SLCO3A1: variants seen among roughly 807,000 people sequenced by gnomAD.
The protein encoded by SLCO3A1 is solute carrier organic anion transporter family member 3A1, also known as PGE1 transporter.
Under a neutral mutation model 63.1 loss-of-function variants are expected in SLCO3A1, and 27 were observed. That is an observed-to-expected ratio of 0.43 (90% confidence interval 0.32 to 0.59). The LOEUF is 0.59. SLCO3A1 is among the 20% of genes least tolerant of loss of function. The probability of loss-of-function intolerance (pLI) is 0.09; values close to 1 mark genes in which losing one functional copy is unlikely to be tolerated. For synonymous variants in SLCO3A1, 473 were observed against 409.9 expected (o/e 1.15, Z -1.86); for missense variants, 773 against 945.8 (o/e 0.82, Z 2.40).
At chr15:91,857,568 G>A (rs2056976780) in intron 1 of SLCO3A1, among the ~76,000 whole-genome samples, 1 of 152,182 alleles carries the variant, frequency 6.6e-6, no homozygotes, top group African/African-American at 2.4e-5. Context: ...CTGTTTGCAA[G>A]GATGTAACAT....
intron 2 of SLCO3A1, among the ~76,000 whole-genome samples, chr15:91,920,757 G>A (rs547389681): frequency 4.6e-5 from 7 of 152,206 alleles, no homozygotes; most frequent in African/African-American, 1.7e-4. Flanking sequence ...CCATACCCTG[G>A]GTTCTGGTTA....
At chr15:92,114,143 T>G (rs207954) in intron 4 of SLCO3A1, among the ~76,000 whole-genome samples, 10 of 151,880 alleles carry the variant, frequency 6.6e-5, no homozygotes, top group African/African-American at 2.4e-4. Flanking sequence ...GGGAACTGAC[T>G]TAACAAATAA....
At chr15:92,047,509 A>G (rs1395505652) in intron 2 of SLCO3A1, among the ~76,000 whole-genome samples, 1 of 37,812 alleles carries the variant, frequency 2.6e-5, no homozygotes, top group Non-Finnish European at 4.7e-5. Context: ...ATATAAATAT[A>G]TATAAATACA....
intron 2 of SLCO3A1, among the ~76,000 whole-genome samples, chr15:92,031,621 C>T (rs2151479948): frequency 6.6e-6 from 1 of 152,270 alleles, no homozygotes; most frequent in East Asian, 1.9e-4. Flanking sequence ...GCCTTCATCA[C>T]CTTCACTCTT....
intron 1 of SLCO3A1, among the ~76,000 whole-genome samples, chr15:91,892,022 G>A (rs1444308720): frequency 1.3e-5 from 2 of 152,182 alleles, no homozygotes; most frequent in African/African-American, 2.4e-5. Context: ...AAGTAATCCT[G>A]GGTTGGTCTG....
chr15:92,159,567 GTT>G (rs11455940), intron 9 of SLCO3A1, among the ~76,000 whole-genome samples: 4 of 137,854 alleles, frequency 2.9e-5, no homozygotes, highest in Non-Finnish European at 1.5e-5. Flanking sequence ...ACTTTGGTAG[GTT>G]TTTTTTTTTT....
In SLCO3A1 at chr15:91,900,722, A is replaced by G. The variant is rs190814875; in HGVS notation, c.181-15271A>G. On this transcript the variant is annotated intron_variant, in intron 1 of 9. Transcript: ENST00000318445. This position sits in a 1 kb window ranked among gnomAD's most constrained non-coding sequence, Gnocchi z 4.3. ...CATTTCCCTAAAGACTAATAATGCTAAGCATCTTTTCAAATGCTTATTAGA... is the reference window on the plus strand; with the variant it reads ...CATTTCCCTAAAGACTAATAATGCTGAGCATCTTTTCAAATGCTTATTAGA... Among the ~76,000 whole-genome samples the G allele has an allele frequency of 2.7e-4, 41 of 152,342 alleles. No homozygotes were observed. Among genetic ancestry groups the G allele is most frequent in the Non-Finnish European group, 5.6e-4 (38 of 68,034 alleles).
intron 2 of SLCO3A1, among the ~76,000 whole-genome samples, chr15:91,966,166 C>G (rs1192048510): frequency 6.6e-6 from 1 of 152,142 alleles, no homozygotes; most frequent in South Asian, 2.1e-4. Flanking sequence ...ATGACCCAGA[C>G]AGAAACAGGG....
chr15:92,145,961 C>CCTAT (rs72524521), intron 7 of SLCO3A1, among the ~76,000 whole-genome samples: 2 of 126,188 alleles, frequency 1.6e-5, no homozygotes, highest in East Asian at 2.4e-4. Context: ...ATCAGAAAAC[C>CCTAT]CTATCTCTGT....
Position 91,900,626 on chromosome 15 carries a change from G to A in SLCO3A1, c.181-15367G>A, listed in dbSNP as rs55767000. Among the ~76,000 whole-genome samples the A allele has an allele frequency of 0.066, 10,009 of 152,264 alleles. 464 individuals carry two copies. The highest frequency in any genetic ancestry group is 0.1 in the Non-Finnish European group (6,795 of 68,026). On this transcript the variant is annotated intron_variant, in intron 1 of 9. Transcript: ENST00000318445. The surrounding 1 kb of genome is among the most constrained non-coding windows in gnomAD (Gnocchi z 4.3). ...TTACAGGTGTGAGCCACCGTGCCTGGCCTGTTTGTATTTTTCATTATACAC... is the reference window on the plus strand; with the variant it reads ...TTACAGGTGTGAGCCACCGTGCCTGACCTGTTTGTATTTTTCATTATACAC...
chr15:92,095,755 T>C (rs969904180), intron 3 of SLCO3A1, among the ~76,000 whole-genome samples: 1 of 152,196 alleles, frequency 6.6e-6, no homozygotes. Flanking sequence ...CTCATCGTGG[T>C]GACCTGTAGA....
chr15:92,155,744 G>T (rs547188774), intron 9 of SLCO3A1, among the ~76,000 whole-genome samples: 1 of 152,090 alleles, frequency 6.6e-6, no homozygotes, highest in Non-Finnish European at 1.5e-5. Context: ...CAACCCAACC[G>T]ACCTAAGTGA....
At chr15:91,989,581 G>T (rs2046100484) in intron 2 of SLCO3A1, among the ~76,000 whole-genome samples, 1 of 152,232 alleles carries the variant, frequency 6.6e-6, no homozygotes, top group Non-Finnish European at 1.5e-5. Flanking sequence ...GAAAAGAGTT[G>T]CAGAGTCATG....
Position 92,033,556 on chromosome 15 carries a change from G to A in SLCO3A1, c.647-61325G>A, listed in dbSNP as rs1023983743. ...TTCCAGCTGGGACTGGCATGTGTTC[G>A]TTCAGCCCGAGCTTCCACAGCACAC... On this transcript the variant is annotated intron_variant, in intron 2 of 9. Coordinates refer to ENST00000318445, the MANE Select transcript of SLCO3A1 (RefSeq NM_013272.4). The surrounding 1 kb of genome is among the most constrained non-coding windows in gnomAD (Gnocchi z 4.5). 2.0e-5 allele frequency among the ~76,000 whole-genome samples: 3 copies of A among 152,192 alleles called. No homozygotes were observed. The highest frequency in any genetic ancestry group is 2.1e-4 in the South Asian group (1 of 4,834).
At chr15:92,114,780 A>G (rs1239800948) in intron 4 of SLCO3A1, among the ~76,000 whole-genome samples, 1 of 152,064 alleles carries the variant, frequency 6.6e-6, no homozygotes, top group Admixed American at 6.5e-5. Context: ...TATAGATTCA[A>G]GTCCCCACAA....
chr15:91,956,000 T>A (rs1253630923), intron 2 of SLCO3A1, among the ~76,000 whole-genome samples: 2 of 152,134 alleles, frequency 1.3e-5, no homozygotes, highest in Admixed American at 6.5e-5. Context: ...CCTCTTGGGA[T>A]GTGTACATTC....
intron 1 of SLCO3A1, among the ~76,000 whole-genome samples, chr15:91,873,191 C>T (rs4537992): frequency 6.6e-6 from 1 of 152,130 alleles, no homozygotes; most frequent in Non-Finnish European, 1.5e-5. Context: ...TATTCCACAG[C>T]GCTGAGTAAC....
chr15:92,153,588 C>G (rs1012398846), intron 9 of SLCO3A1: 4 of 152,230 alleles, frequency 2.6e-5, no homozygotes, highest in Non-Finnish European at 5.9e-5. Flanking sequence ...GCTGGCCTAG[C>G]AAGGGCAATG....
intron 9 of SLCO3A1, among the ~76,000 whole-genome samples, chr15:92,156,085 G>A (rs772300575): frequency 3.9e-5 from 6 of 152,164 alleles, no homozygotes; most frequent in Non-Finnish European, 7.4e-5. Flanking sequence ...AGACACTCCT[G>A]CTGTGGCTTG....
Sources: allele counts gnomAD v4.1 joint callset (sites outside exome capture counted in the v4.1 genomes callset), GRCh38; gene constraint gnomAD v4.1.1; non-coding constraint Gnocchi (gnomAD v3.1); transcripts MANE v1.5; gene names NCBI Gene and HGNC (gene_info 2026-07-23, HGNC 2026-07-21).